The following SERAC1 variants were observed in gnomAD, a reference collection of about 807,000 sequenced individuals.
The protein encoded by SERAC1 is protein SERAC1.
A neutral mutation model predicts 85.7 loss-of-function variants in SERAC1; 36 were observed. The ratio of observed to expected loss-of-function variants is 0.42; its 90% CI spans 0.32 to 0.55. The LOEUF is 0.55. Ranked by LOEUF, SERAC1 falls within the 20% of genes least tolerant of loss-of-function variation. The pLI, the probability that SERAC1 is intolerant of heterozygous loss-of-function variation, is 0.11. For missense variants in SERAC1, 629 were observed against 796.2 expected (o/e 0.79, Z 2.53); for synonymous variants, 242 against 265.3 (o/e 0.91, Z 0.85).
chr6:158,154,015 G>C (rs1785266638), intron 3 of SERAC1, among the ~76,000 whole-genome samples: 1 of 151,296 alleles, frequency 6.6e-6, no homozygotes, highest in African/African-American at 2.4e-5. Flanking sequence ...AATAATAACA[G>C]CCAGGTGTGG....
intron 10 of SERAC1, among the ~76,000 whole-genome samples, chr6:158,124,810 C>T (rs1428296390): frequency 6.6e-6 from 1 of 150,736 alleles, no homozygotes; most frequent in Non-Finnish European, 1.5e-5. Context: ...ACAAAGAATA[C>T]TTTATCCAGG....
In SERAC1 at chr6:158,130,406, C is replaced by T. The variant is rs745512283; in HGVS notation, c.819G>A (p.Met273Ile). The change falls in exon 9 of 17, where the codon ATG (methionine) becomes ATA (isoleucine). Residue 273 changes from methionine (M) to isoleucine (I), a missense_variant. By Grantham distance (10) the Met-to-Ile change is conservative. Transcript: ENST00000647468. ...FGEVPSATVE[M>I]FCLEAIVKHS... The stretch of plus-strand genomic sequence containing the variant: ...GTTTTACTATAGCTTCTAAACAGAA[C>T]ATTTCCACTGTTGCTGAAGGAACTT... The T allele has an allele frequency of 6.3e-7, 1 of 1,596,542 alleles. No homozygotes were observed. The highest frequency in any genetic ancestry group is 2.3e-5 in the East Asian group (1 of 44,290).
At chr6:158,126,617 G>A (rs910388151) in intron 10 of SERAC1, among the ~76,000 whole-genome samples, 5 of 152,108 alleles carry the variant, frequency 3.3e-5, no homozygotes, top group Non-Finnish European at 2.9e-5. Flanking sequence ...AGACTAGATC[G>A]GGCAGGAACT....
At chr6:158,124,864 C>T (rs1784505541) in intron 10 of SERAC1, among the ~76,000 whole-genome samples, 1 of 151,788 alleles carries the variant, frequency 6.6e-6, no homozygotes, top group Admixed American at 6.6e-5. Context: ...AAATTAAAGA[C>T]ATTTTCAAAT....
chr6:158,112,617 A>G (rs1462561314), intron 16 of SERAC1: 1 of 151,630 alleles, frequency 6.6e-6, no homozygotes, highest in Non-Finnish European at 1.5e-5. Flanking sequence ...ATAGCATATA[A>G]TGAAATTAGG....
chr6:158,164,605 A>C lies in SERAC1; in HGVS notation c.-2+3535T>G, dbSNP rs535081194. ...AAAGGGAAGAGATTATAATTTAAAAATAAAACAAATATTTGAAAATTCCAT... is the reference window on the plus strand; with the variant it reads ...AAAGGGAAGAGATTATAATTTAAAACTAAAACAAATATTTGAAAATTCCAT... On this transcript the variant is annotated intron_variant, in intron 1 of 16. Coordinates refer to ENST00000647468, the MANE Select transcript of SERAC1 (RefSeq NM_032861.4). Among the ~76,000 whole-genome samples the C allele has an allele frequency of 1.4e-4, 22 of 152,314 alleles. No homozygotes were observed. The South Asian group carries it at 4.6e-3, about 32-fold the overall frequency.
At chr6:158,144,016 T>G (rs923067278) in intron 7 of SERAC1, among the ~76,000 whole-genome samples, 1 of 152,082 alleles carries the variant, frequency 6.6e-6, no homozygotes, top group African/African-American at 2.4e-5. Context: ...CTACAGAAAC[T>G]CAGAAGGGAC....
rs1371963003 is a variant in SERAC1, at chr6:158,116,289, A to AAAAC, written c.1404-11_1404-8dup. 1.9e-6 allele frequency: 3 copies of AAAAC among 1,609,896 alleles called. No homozygotes were observed. The South Asian group carries it at 3.3e-5, about 18-fold the overall frequency. On this transcript the variant is annotated splice_region_variant and splice_polypyrimidine_tract_variant and intron_variant, in intron 13 of 16. Transcript: ENST00000647468. ...TCTGAATGCAATGGACTTTCTGAAC[A>AAAAC]AAACAAAAACAGCAGGCATGACACA...
chr6:158,147,193 C>A (rs1785084259), intron 5 of SERAC1, among the ~76,000 whole-genome samples: 1 of 151,932 alleles, frequency 6.6e-6, no homozygotes, highest in Non-Finnish European at 1.5e-5. Context: ...GGCTGGAGTG[C>A]AGTGACACAA....
At chr6:158,111,735 T>C (rs1784148416) in intron 16 of SERAC1, 1 of 342,862 alleles carries the variant, frequency 2.9e-6, no homozygotes, top group Non-Finnish European at 5.3e-6. Flanking sequence ...GAACTTTTCG[T>C]ATGTGTTCTG....
At chr6:158,144,627 A>C (rs916285440) in intron 6 of SERAC1, among the ~76,000 whole-genome samples, 1 of 152,222 alleles carries the variant, frequency 6.6e-6, no homozygotes, top group African/African-American at 2.4e-5. Context: ...CTCAACATAT[A>C]TATGGAGACC....
intron 10 of SERAC1, among the ~76,000 whole-genome samples, chr6:158,125,672 T>G (rs1203232393): frequency 6.6e-6 from 1 of 152,168 alleles, no homozygotes; most frequent in East Asian, 1.9e-4. Flanking sequence ...GAGGACAGCC[T>G]GGGCAACACA....
intron 6 of SERAC1, among the ~76,000 whole-genome samples, chr6:158,145,551 T>C (rs1309755407): frequency 6.6e-6 from 1 of 151,298 alleles, no homozygotes; most frequent in Non-Finnish European, 1.5e-5. Flanking sequence ...GAGACAGTTT[T>C]GCTCTGTTGT....
At chr6:158,129,138 T>G (rs1334485576) in intron 9 of SERAC1, among the ~76,000 whole-genome samples, 1 of 152,220 alleles carries the variant, frequency 6.6e-6, no homozygotes, top group African/African-American at 2.4e-5. Context: ...AACTATTATA[T>G]TCCATGCACT....
chr6:158,127,413 G>T (rs1446300776), intron 10 of SERAC1, among the ~76,000 whole-genome samples: 3 of 44,314 alleles, frequency 6.8e-5, no homozygotes, highest in Non-Finnish European at 9.6e-5. Context: ...CCCCGTCCGG[G>T]AGGTGAGGGG....
intron 1 of SERAC1, among the ~76,000 whole-genome samples, chr6:158,163,816 A>G (rs1024831148): frequency 3.8e-4 from 58 of 151,966 alleles, no homozygotes; most frequent in African/African-American, 1.4e-3. Context: ...AGCTCACTGC[A>G]ACCTCCGCCT....
intron 10 of SERAC1, among the ~76,000 whole-genome samples, chr6:158,121,577 G>C (rs1012181046): frequency 6.6e-6 from 1 of 150,960 alleles, no homozygotes; most frequent in Non-Finnish European, 1.5e-5. Context: ...CACTCTTTAC[G>C]ACAAAAGTGT....
chr6:158,148,688 C>T (rs1207174097), intron 5 of SERAC1, among the ~76,000 whole-genome samples, 177 bp downstream of exon 5: 1 of 152,136 alleles, frequency 6.6e-6, no homozygotes, highest in Non-Finnish European at 1.5e-5. Flanking sequence ...GGTGACCCAC[C>T]CACCTCAGCC....
At chr6:158,154,499 C>T (rs1785280180) in intron 3 of SERAC1, among the ~76,000 whole-genome samples, 2 of 152,060 alleles carry the variant, frequency 1.3e-5, no homozygotes, top group African/African-American at 2.4e-5. Flanking sequence ...ATCATTTCGG[C>T]ATCTGAGAGT....
Sources: allele counts gnomAD v4.1 joint callset (sites outside exome capture counted in the v4.1 genomes callset), GRCh38; gene constraint gnomAD v4.1.1; transcripts MANE v1.5; gene names NCBI Gene and HGNC (gene_info 2026-07-23, HGNC 2026-07-21).